Variants in CNTNAP2 observed in about 807,000 individuals in gnomAD.
CNTNAP2 encodes contactin associated protein 2.
CNTNAP2 carries 98 observed loss-of-function variants against 155.2 expected under a neutral mutation model. The observed-to-expected ratio is 0.63, with a 90% CI of 0.54 to 0.75. The LOEUF (loss-of-function observed/expected upper bound fraction) is 0.75. Among genes scored for constraint, CNTNAP2 ranks in the 30% least tolerant of loss-of-function variants. The probability of loss-of-function intolerance (pLI) is 0.00; values close to 1 mark genes in which losing one functional copy is unlikely to be tolerated. For missense variants in CNTNAP2, 1,727 were observed against 1,688.1 expected (o/e 1.02, Z -0.40); for synonymous variants, 651 against 631.2 (o/e 1.03, Z -0.47).
intron 15 of CNTNAP2, among the ~76,000 whole-genome samples, chr7:147,997,867 G>C (rs1366934575): frequency 6.6e-6 from 1 of 152,112 alleles, no homozygotes; most frequent in African/African-American, 2.4e-5. Context: ...TACGTCTCAT[G>C]TCTCATTAAC....
At chr7:147,539,159 A>T (rs1292185523) in intron 11 of CNTNAP2, among the ~76,000 whole-genome samples, 1 of 152,160 alleles carries the variant, frequency 6.6e-6, no homozygotes, top group Non-Finnish European at 1.5e-5. Flanking sequence ...CAAAAATGTG[A>T]GCTAAATTCC....
At chr7:147,623,653 A>G (rs1206395846) in intron 12 of CNTNAP2, among the ~76,000 whole-genome samples, 1 of 152,108 alleles carries the variant, frequency 6.6e-6, no homozygotes, top group African/African-American at 2.4e-5. Flanking sequence ...GAAATAATCA[A>G]TATTGTTAAA....
intron 1 of CNTNAP2, among the ~76,000 whole-genome samples, chr7:146,326,935 C>T (rs573524997): frequency 8.5e-5 from 13 of 152,128 alleles, no homozygotes; most frequent in African/African-American, 2.9e-4. Flanking sequence ...TATTTCTCTT[C>T]CTATGCAAAT....
intron 13 of CNTNAP2, among the ~76,000 whole-genome samples, chr7:147,768,224 A>T (rs2116531041): frequency 6.6e-6 from 1 of 152,258 alleles, no homozygotes; most frequent in East Asian, 1.9e-4. Context: ...TCATCAGAAA[A>T]CATATCTATA....
At chr7:147,706,844 G>T (rs1461622561) in intron 13 of CNTNAP2, among the ~76,000 whole-genome samples, 3 of 151,874 alleles carry the variant, frequency 2.0e-5, no homozygotes, top group African/African-American at 7.3e-5. Context: ...AATTATTTTT[G>T]TCTGGCTGGG....
At chr7:147,465,824 C>T (rs1798110708) in intron 10 of CNTNAP2, among the ~76,000 whole-genome samples, 2 of 152,058 alleles carry the variant, frequency 1.3e-5, no homozygotes, top group South Asian at 4.1e-4. Flanking sequence ...GCAGTTCTTC[C>T]CTGGTTACTA....
At chr7:147,340,662 C>T (rs1795746222) in intron 9 of CNTNAP2, among the ~76,000 whole-genome samples, 1 of 152,052 alleles carries the variant, frequency 6.6e-6, no homozygotes, top group Admixed American at 6.6e-5. Flanking sequence ...CTTATATGTC[C>T]TAAAAACAGT....
chr7:147,314,630 TCAA>T (rs1257425363), intron 9 of CNTNAP2, among the ~76,000 whole-genome samples: 1 of 38,436 alleles, frequency 2.6e-5, no homozygotes, highest in African/African-American at 1.6e-4. Flanking sequence ...GCTACATGCT[TCAA>T]AAAGTCAGCA....
chr7:148,302,558 A>G (rs1046484652), intron 21 of CNTNAP2, among the ~76,000 whole-genome samples: 5 of 151,910 alleles, frequency 3.3e-5, no homozygotes, highest in African/African-American at 1.2e-4. Flanking sequence ...TGTAATCCCC[A>G]TGTGTCAAGG....
intron 21 of CNTNAP2, among the ~76,000 whole-genome samples, chr7:148,296,545 C>CAAAAAAAAAAAAAAAA (rs143609414): frequency 2.6e-4 from 20 of 76,602 alleles, no homozygotes; most frequent in South Asian, 7.1e-4. Flanking sequence ...GACTCTGTCT[C>CAAAAAAAAAAAAAAAA]AAAAAAAAAA....
chr7:146,858,341 T>A (rs1336184253), intron 3 of CNTNAP2, among the ~76,000 whole-genome samples: 1 of 152,216 alleles, frequency 6.6e-6, no homozygotes, highest in Non-Finnish European at 1.5e-5. Context: ...TTGCACTAAA[T>A]GTTGTCTAGT....
intron 2 of CNTNAP2, among the ~76,000 whole-genome samples, chr7:146,789,965 C>T (rs552204314): frequency 2.2e-4 from 33 of 151,250 alleles, no homozygotes; most frequent in East Asian, 1.2e-3. Flanking sequence ...TAACAATATC[C>T]CATTGTATGA....
intron 4 of CNTNAP2, among the ~76,000 whole-genome samples, chr7:147,103,298 T>G (rs1362566532): frequency 6.6e-6 from 1 of 152,012 alleles, no homozygotes; most frequent in Admixed American, 6.6e-5. Context: ...TAAAGCTGCG[T>G]GAATAGAGAG....
At chr7:146,605,918 T>C (rs1042376034) in intron 1 of CNTNAP2, among the ~76,000 whole-genome samples, 4 of 152,168 alleles carry the variant, frequency 2.6e-5, no homozygotes, top group African/African-American at 9.7e-5. Flanking sequence ...GCTCAACATT[T>C]ATCATGTTGA....
chr7:147,433,416 C>T (rs546998864), intron 10 of CNTNAP2, among the ~76,000 whole-genome samples: 2 of 152,100 alleles, frequency 1.3e-5, no homozygotes, highest in South Asian at 2.1e-4. Context: ...TTGGTCACAG[C>T]GTGTTTGCTT....
At chr7:146,191,280 C>T (rs1798701021) in intron 1 of CNTNAP2, among the ~76,000 whole-genome samples, 1 of 151,970 alleles carries the variant, frequency 6.6e-6, no homozygotes, top group Non-Finnish European at 1.5e-5. Flanking sequence ...CCCTGAGCCG[C>T]AAAACCAGCA....
intron 15 of CNTNAP2, among the ~76,000 whole-genome samples, chr7:148,030,037 C>T (rs1802446308): frequency 6.6e-6 from 1 of 152,184 alleles, no homozygotes; most frequent in African/African-American, 2.4e-5. Context: ...AGTGAATAAC[C>T]TTTAACTAAT....
At position 146,643,083 on chromosome 7, in the gene CNTNAP2, G is replaced by T. The variant is rs1330995144; in HGVS notation, c.98-131188G>T. On this transcript the variant is annotated intron_variant, in intron 1 of 23. Coordinates refer to ENST00000361727, the MANE Select transcript of CNTNAP2 (RefSeq NM_014141.6). ...AGCCCTTTGTCAGATGAGTAGGTTG[G>T]GAAAATTTTCTCCCATTTTGTAGGT... Among the ~76,000 whole-genome samples, 910 of 142,462 alleles carry T rather than the reference G, an allele frequency of 6.4e-3. 8 individuals are homozygous for T. Among genetic ancestry groups the T allele is most frequent in the African/African-American group, 0.023 (867 of 37,856 alleles). 93.5% of individuals were successfully genotyped at this position (142,462 alleles called of 152,430 possible).
chr7:147,672,961 T>G (rs1489479881), intron 13 of CNTNAP2: 2 of 152,162 alleles, frequency 1.3e-5, no homozygotes, highest in Non-Finnish European at 2.9e-5. Context: ...TTCAGATGTA[T>G]GTTCTATACC....
Sources: gnomAD v4.1 joint callset for allele counts (sites outside exome capture counted in the v4.1 genomes callset) on GRCh38, gnomAD v4.1.1 for gene constraint, MANE v1.5 for transcripts, NCBI Gene and HGNC (gene_info 2026-07-23, HGNC 2026-07-21) for gene names.